Variants in MICU3 observed in about 807,000 individuals in gnomAD.
MICU3 encodes the protein mitochondrial calcium uptake 3, also known as calcium uptake protein 3, mitochondrial.
Under a neutral mutation model 66.5 loss-of-function variants are expected in MICU3, and 62 were observed. The ratio of observed to expected loss-of-function variants is 0.93; its 90% CI spans 0.76 to 1.15. The LOEUF (loss-of-function observed/expected upper bound fraction) is 1.15, where lower values mean the gene tolerates loss of function less well. Ranked by LOEUF, MICU3 falls within the 50% of genes most tolerant of loss-of-function variation. MICU3 has a pLI of 0.00. For missense variants in MICU3, 779 were observed against 664.4 expected, an observed-to-expected ratio of 1.17 and a Z score of -1.90; for synonymous variants, 308 against 240.7, an observed-to-expected ratio of 1.28 and a Z score of -2.59.
chr8:17,117,178 C>G (rs956495385), intron 13 of MICU3, among the ~76,000 whole-genome samples: 10 of 151,858 alleles, frequency 6.6e-5, no homozygotes, highest in Admixed American at 5.3e-4. Context: ...CGAGGTCACT[C>G]TGTTGCCCAG....
At chr8:17,074,891 C>T (rs571341248) in intron 3 of MICU3, among the ~76,000 whole-genome samples, 1 of 152,050 alleles carries the variant, frequency 6.6e-6, no homozygotes, top group African/African-American at 2.4e-5. Flanking sequence ...CTAACCACTC[C>T]GAGTTTAAGC....
intron 1 of MICU3, among the ~76,000 whole-genome samples, chr8:17,047,637 C>T (rs1815316360): frequency 6.6e-6 from 1 of 152,186 alleles, no homozygotes; most frequent in Non-Finnish European, 1.5e-5. Context: ...GAATCCATCG[C>T]AACAGACAGA....
intron 8 of MICU3, among the ~76,000 whole-genome samples, chr8:17,096,213 C>T (rs1214134199): frequency 6.6e-6 from 1 of 151,786 alleles, no homozygotes. Context: ...TCAAAGTGTC[C>T]AGTTACACCT....
chr8:17,076,898 GTGTT>G (rs1169302295), intron 3 of MICU3, among the ~76,000 whole-genome samples: 7 of 152,176 alleles, frequency 4.6e-5, no homozygotes, highest in African/African-American at 1.7e-4. Context: ...AGTGGGTTCT[GTGTT>G]TGTCTAATGT....
chr8:17,106,419 G>A (rs1316610395), intron 11 of MICU3, among the ~76,000 whole-genome samples: 1 of 150,364 alleles, frequency 6.7e-6, no homozygotes, highest in Non-Finnish European at 1.5e-5. Flanking sequence ...CTTTTTGTCT[G>A]TTGTACATGT....
intron 3 of MICU3, among the ~76,000 whole-genome samples, chr8:17,071,144 AG>A (rs147329607): frequency 0.073 from 11,188 of 152,232 alleles, 556 homozygotes; most frequent in East Asian, 0.25. Flanking sequence ...ACTACTGTAC[AG>A]TGCAAATATG....
At chr8:17,029,869 A>G (rs1055716515) in intron 1 of MICU3, among the ~76,000 whole-genome samples, 5 of 152,082 alleles carry the variant, frequency 3.3e-5, no homozygotes, top group Admixed American at 2.6e-4. Flanking sequence ...TTTTCTGGAA[A>G]TGCTGTTTCT....
At chr8:17,033,561 C>T (rs954834502) in intron 1 of MICU3, among the ~76,000 whole-genome samples, 2 of 152,054 alleles carry the variant, frequency 1.3e-5, no homozygotes, top group East Asian at 1.9e-4. Context: ...CTCAGCCTCC[C>T]GAGTAGCTGG....
At chr8:17,113,499 C>G (rs555241761) in intron 11 of MICU3, among the ~76,000 whole-genome samples, 1 of 152,310 alleles carries the variant, frequency 6.6e-6, no homozygotes, top group African/African-American at 2.4e-5. Flanking sequence ...CCACACCAGC[C>G]CAGTGTGGAG....
intron 9 of MICU3, among the ~76,000 whole-genome samples, chr8:17,099,738 T>A (rs143597152): frequency 2.0e-5 from 3 of 151,900 alleles, no homozygotes; most frequent in East Asian, 3.9e-4. Flanking sequence ...TAGTCAGTGC[T>A]TAAAAATAAG....
intron 8 of MICU3, among the ~76,000 whole-genome samples, chr8:17,092,883 G>A (rs1800226623): frequency 6.6e-6 from 1 of 151,992 alleles, no homozygotes; most frequent in African/African-American, 2.4e-5. Flanking sequence ...TATAGATCAT[G>A]GAGCTGGATA....
chr8:17,122,661 T>C (rs1009658976), downstream of MICU3: 4 of 152,006 alleles, frequency 2.6e-5, no homozygotes, highest in Non-Finnish European at 5.9e-5. Context: ...TTGGCTTTTA[T>C]ATGTATCTGT....
At position 17,121,750 on chromosome 8, in the gene MICU3, G is replaced by A. The variant is rs1368213364; in HGVS notation, c.*1463G>A. On this transcript the variant is annotated 3_prime_UTR_variant, in exon 15 of 15. Coordinates refer to ENST00000318063, the MANE Select transcript of MICU3 (RefSeq NM_181723.3). Reference sequence around the variant, plus strand: ...CTCTTAGCATTGATTTTGTATGTTAGACTTTTTACATTGTTTATCTAATAT... The same window carrying A: ...CTCTTAGCATTGATTTTGTATGTTAAACTTTTTACATTGTTTATCTAATAT... 1 of 152,022 alleles carries A rather than the reference G, an allele frequency of 6.6e-6. No individual in the cohort carries two copies. Among genetic ancestry groups the A allele is most frequent in the African/African-American group, 2.4e-5 (1 of 41,374 alleles). The allele number at this position is 152,022 out of a possible 1,614,324, so 9.4% of individuals were successfully genotyped here. A position where few individuals can be genotyped will look rare whatever the true frequency, so the allele number is the denominator to read the frequency against.
chr8:17,107,342 C>T lies in MICU3; in HGVS notation c.1257+1758C>T, dbSNP rs1714996775. Among the ~76,000 whole-genome samples, 2 of 152,046 alleles carry T rather than the reference C, an allele frequency of 1.3e-5. 1 individual carries two copies. The highest frequency in any genetic ancestry group is 4.1e-4 in the South Asian group (2 of 4,832). On this transcript the variant is annotated intron_variant, in intron 11 of 14. Coordinates refer to ENST00000318063, the MANE Select transcript of MICU3 (RefSeq NM_181723.3). ...GAAGTTCTGGGTAAAGTCTTCTAGA[C>T]AGAGGTAACAGCAAATGCCAAGGGC... is the stretch of plus-strand genomic sequence containing the variant.
At chr8:17,123,117 TAAG>T (rs1316740577), downstream of MICU3, among the ~76,000 whole-genome samples, 2 of 152,150 alleles carry the variant, frequency 1.3e-5, no homozygotes, top group African/African-American at 4.8e-5. Context: ...TTGTAAGTGA[TAAG>T]AAATCACTGT....
chr8:17,095,548 T>A (rs1220247895), intron 8 of MICU3, among the ~76,000 whole-genome samples: 2 of 151,936 alleles, frequency 1.3e-5, no homozygotes, highest in African/African-American at 4.8e-5. Flanking sequence ...TATGGGCTGT[T>A]ACTTTATTTT....
chr8:17,060,934 A>T (rs1293811787), intron 1 of MICU3, among the ~76,000 whole-genome samples: 1 of 152,138 alleles, frequency 6.6e-6, no homozygotes, highest in East Asian at 1.9e-4. Flanking sequence ...TATTATTGCT[A>T]AGCCAACAGG....
At chr8:17,118,818 G>A in intron 14 of MICU3, 43 bp downstream of exon 14, 1 of 1,138,266 alleles carries the variant, frequency 8.8e-7, no homozygotes, top group East Asian at 2.4e-5. Context: ...AGTAACAATA[G>A]GGATCATAAT....
At chr8:17,122,957 G>A (rs1171605669), downstream of MICU3, among the ~76,000 whole-genome samples, 1 of 151,844 alleles carries the variant, frequency 6.6e-6, no homozygotes, top group African/African-American at 2.4e-5. Flanking sequence ...ATCTTACTAA[G>A]GTAACACCTA....
Sources: allele counts gnomAD v4.1 joint callset (sites outside exome capture counted in the v4.1 genomes callset), GRCh38; gene constraint gnomAD v4.1.1; transcripts MANE v1.5; gene names NCBI Gene and HGNC (gene_info 2026-07-23, HGNC 2026-07-21).